The following JAKMIP1 variants were observed in gnomAD, a reference collection of about 807,000 sequenced individuals.
JAKMIP1 encodes janus kinase and microtubule-interacting protein 1.
Under a neutral mutation model 113.0 loss-of-function variants are expected in JAKMIP1, and 33 were observed. The observed-to-expected ratio is 0.29, with a 90% CI of 0.22 to 0.39. The LOEUF (loss-of-function observed/expected upper bound fraction) is 0.39, where lower values mean the gene tolerates loss of function less well. Among genes scored for constraint, JAKMIP1 ranks in the 10% least tolerant of loss-of-function variants. JAKMIP1 has a pLI of 1.00. For synonymous variants in JAKMIP1, 480 were observed against 459.9 expected (o/e 1.04, Z -0.56); for missense variants, 813 against 1,080.5 (o/e 0.75, Z 3.47).
intron 3 of JAKMIP1, among the ~76,000 whole-genome samples, chr4:6,104,207 A>G (rs780420904): frequency 2.6e-5 from 4 of 152,224 alleles, no homozygotes; most frequent in Non-Finnish European, 5.9e-5. Context: ...CTGTCAGGTA[A>G]GTTCACGTTG....
chr4:6,172,450 C>G (rs1443785581), intron 1 of JAKMIP1, among the ~76,000 whole-genome samples: 1 of 152,216 alleles, frequency 6.6e-6, no homozygotes, highest in African/African-American at 2.4e-5. Context: ...CCATGCTGCT[C>G]CAGCTCTGGC....
At position 6,181,759 on chromosome 4, in the gene JAKMIP1, T is replaced by C. The variant is rs1238890050; in HGVS notation, c.-148+18494A>G. On this transcript the variant is annotated intron_variant, in intron 1 of 20. Transcript: ENST00000409021. The surrounding 1 kb of genome is among the most constrained non-coding windows in gnomAD (Gnocchi z 5.4). ...CTAGTGCCTGTTCCATGCCAGACCC[T>C]GTGCTGAGCCTCAAACATGAATCTC... Among the ~76,000 whole-genome samples the C allele has an allele frequency of 1.3e-5, 2 of 152,196 alleles. No homozygotes were observed. Among genetic ancestry groups the C allele is most frequent in the African/African-American group, 4.8e-5 (2 of 41,450 alleles).
rs775616226 is a variant in JAKMIP1 at position 6,065,034 on chromosome 4, T to C, written c.1303-26A>G. On this transcript the variant is annotated intron_variant, in intron 8 of 20. Transcript: ENST00000409021. The surrounding 1 kb of genome is among the most constrained non-coding windows in gnomAD (Gnocchi z 5.1). ...CTGTAAAACGCAATTTGTATGATGT[T>C]AGCAACGACTGAGGATTGCCAGAGT... is the stretch of plus-strand genomic sequence containing the variant. 15 of 1,613,668 alleles carry C rather than the reference T, an allele frequency of 9.3e-6. No individual in the cohort carries two copies. In the South Asian group the frequency reaches 1.6e-4, roughly 18 times the overall value.
At position 6,112,928 on chromosome 4, in the gene JAKMIP1, A is replaced by G; in HGVS notation, c.-78T>C. ...ACGCCAGCCAGCAGGCGTGGCTACC[A>G]GCTCCACCGTGCTAACCAGTCGCGC... On this transcript the variant is annotated 5_prime_UTR_variant, in exon 2 of 21. Coordinates refer to ENST00000409021, the MANE Select transcript of JAKMIP1 (RefSeq NM_001099433.2). The G allele has an allele frequency of 6.4e-7, 1 of 1,560,458 alleles. No homozygotes were observed. The highest frequency in any genetic ancestry group is 1.2e-5 in the South Asian group (1 of 84,990).
At position 6,049,031 on chromosome 4, in the gene JAKMIP1, ATGTT is replaced by A. The variant is rs1715337449; in HGVS notation, c.1963-113_1963-110del. ...TTTCGTTGTTGTTGTTTGTTTTATT[ATGTT>A]TGTTTGTTTTGAGACGGAGTCTCTC... On this transcript the variant is annotated intron_variant, in intron 15 of 20. Transcript: ENST00000409021. This position sits in a 1 kb window ranked among gnomAD's most constrained non-coding sequence, Gnocchi z 7.0. 4.8e-6 allele frequency: 4 copies of A among 833,382 alleles called. No individual in the cohort carries two copies. In the South Asian group the frequency reaches 5.9e-5, roughly 12 times the overall value. The allele number at this position is 833,382 out of a possible 1,614,324, so 51.6% of individuals were successfully genotyped here.
Position 6,143,815 on chromosome 4 carries a change from A to G in JAKMIP1, c.-147-30818T>C, listed in dbSNP as rs963736933. 2.6e-5 allele frequency among the ~76,000 whole-genome samples: 4 copies of G among 152,230 alleles called. No homozygotes were observed. Among genetic ancestry groups the G allele is most frequent in the African/African-American group, 7.2e-5 (3 of 41,466 alleles). ...ATTTAAATAGAGAAGAAAAAAGAAC[A>G]ATTTCTGGTCATCAGGGAATAACAG... On this transcript the variant is annotated intron_variant, in intron 1 of 20. Transcript: ENST00000409021. The surrounding 1 kb of genome is among the most constrained non-coding windows in gnomAD (Gnocchi z 4.9).
In JAKMIP1 at chr4:6,153,556, T is replaced by G. The variant is rs115588612; in HGVS notation, c.-147-40559A>C. ...TCTTAAAATTAGCTTTCCGGAGGTG[T>G]AATTTGCGCTGTAAGAGGGTGCACC... On this transcript the variant is annotated intron_variant, in intron 1 of 20. Transcript: ENST00000409021. This position sits in a 1 kb window ranked among gnomAD's most constrained non-coding sequence, Gnocchi z 4.9. 0.026 allele frequency among the ~76,000 whole-genome samples: 3,983 copies of G among 152,326 alleles called. 195 individuals are homozygous for G. Among genetic ancestry groups the G allele is most frequent in the African/African-American group, 0.091 (3,775 of 41,554 alleles).
intron 1 of JAKMIP1, among the ~76,000 whole-genome samples, chr4:6,128,264 AG>A (rs1438797432): frequency 2.0e-5 from 3 of 152,202 alleles, no homozygotes; most frequent in African/African-American, 7.2e-5. Context: ...CTGTGAAAGG[AG>A]GATCTCTCAC....
chr4:6,047,632 T>C (rs1455498058), intron 16 of JAKMIP1, among the ~76,000 whole-genome samples: 1 of 152,230 alleles, frequency 6.6e-6, no homozygotes, highest in African/African-American at 2.4e-5. Flanking sequence ...CCATAAGTCT[T>C]GTTACCAACA....
At chr4:6,131,735 A>G (rs934603695) in intron 1 of JAKMIP1, among the ~76,000 whole-genome samples, 8 of 152,226 alleles carry the variant, frequency 5.3e-5, no homozygotes, top group African/African-American at 1.9e-4. Flanking sequence ...GTCTAAACCA[A>G]AAATTATTAA....
chr4:6,081,483 C>A lies in JAKMIP1; in HGVS notation c.1101+126G>T. ...GAGACATCTGTGACTGACACTGTGCCTGGTGCTTTGTGGGGAGGTGGGCAG... is the reference window on the plus strand; with the variant it reads ...GAGACATCTGTGACTGACACTGTGCATGGTGCTTTGTGGGGAGGTGGGCAG... On this transcript the variant is annotated intron_variant, in intron 6 of 20. Transcript: ENST00000409021. The surrounding 1 kb of genome is among the most constrained non-coding windows in gnomAD (Gnocchi z 4.6). 9.9e-7 allele frequency: 1 copy of A among 1,006,938 alleles called. No individual in the cohort carries two copies. The highest frequency in any genetic ancestry group is 2.4e-5 in the East Asian group (1 of 41,634). The allele number at this position is 1,006,938 out of a possible 1,614,324, so 62.4% of individuals were successfully genotyped here. A position where few individuals can be genotyped will look rare whatever the true frequency, so the allele number is the denominator to read the frequency against.
intron 3 of JAKMIP1, among the ~76,000 whole-genome samples, chr4:6,103,396 C>T (rs1360784853): frequency 6.6e-6 from 1 of 152,136 alleles, no homozygotes; most frequent in Non-Finnish European, 1.5e-5. Flanking sequence ...CTATGTATTG[C>T]TGGATTTGAT....
Position 6,193,267 on chromosome 4 carries a change from C to T in JAKMIP1, c.-148+6986G>A, listed in dbSNP as rs984416249. ...GAAGGCTGTGCTGTTGGATTCTGTA[C>T]TTTTGAGGTTTTGGGATTCAGACTG... is the stretch of plus-strand genomic sequence containing the variant. On this transcript the variant is annotated intron_variant, in intron 1 of 20. Coordinates refer to ENST00000409021, the MANE Select transcript of JAKMIP1 (RefSeq NM_001099433.2). This position sits in a 1 kb window ranked among gnomAD's most constrained non-coding sequence, Gnocchi z 6.4. 6.6e-6 allele frequency among the ~76,000 whole-genome samples: 1 copy of T among 152,166 alleles called. No homozygotes were observed. Among genetic ancestry groups the T allele is most frequent in the Non-Finnish European group, 1.5e-5 (1 of 68,036 alleles).
In JAKMIP1 at chr4:6,188,151, A is replaced by G. The variant is rs1470564726; in HGVS notation, c.-148+12102T>C. 3.9e-5 allele frequency among the ~76,000 whole-genome samples: 6 copies of G among 152,142 alleles called. No homozygotes were observed. Among genetic ancestry groups the G allele is most frequent in the Admixed American group, 2.0e-4 (3 of 15,268 alleles). On this transcript the variant is annotated intron_variant, in intron 1 of 20. Transcript: ENST00000409021. This position sits in a 1 kb window ranked among gnomAD's most constrained non-coding sequence, Gnocchi z 5.8. ...ATTTATCCAAGAGTCTCTGAACACC[A>G]TCTACAAAAATGTCCACTACCAGCT... is the stretch of plus-strand genomic sequence containing the variant.
chr4:6,190,914 T>G (rs1467630596), intron 1 of JAKMIP1, among the ~76,000 whole-genome samples: 2 of 151,954 alleles, frequency 1.3e-5, no homozygotes, highest in Non-Finnish European at 2.9e-5. Context: ...AGCAGAGAGG[T>G]TGCATCAAAC....
At chr4:6,071,447 C>T (rs972143320) in intron 8 of JAKMIP1, among the ~76,000 whole-genome samples, 3 of 152,202 alleles carry the variant, frequency 2.0e-5, no homozygotes, top group African/African-American at 4.8e-5. Context: ...GGCAGGAGGC[C>T]GGGCACCTAC....
chr4:6,028,424 A>G (rs1389271081), intron 20 of JAKMIP1, among the ~76,000 whole-genome samples: 1 of 152,164 alleles, frequency 6.6e-6, no homozygotes, highest in Non-Finnish European at 1.5e-5. Flanking sequence ...TCCAGCAGAG[A>G]TGGGAAGGTG....
At chr4:6,079,037 T>C in intron 7 of JAKMIP1, 39 bp from the exon 8 acceptor site, 1 of 1,610,644 alleles carries the variant, frequency 6.2e-7, no homozygotes, top group South Asian at 1.1e-5. Flanking sequence ...CCAGCCAGCC[T>C]CACATCTCAC....
Position 6,051,867 on chromosome 4 carries a change from T to C in JAKMIP1, c.1807-1188A>G, listed in dbSNP as rs547039640. Among the ~76,000 whole-genome samples the C allele has an allele frequency of 5.9e-5, 9 of 152,226 alleles. No homozygotes were observed. The highest frequency in any genetic ancestry group is 1.2e-4 in the Non-Finnish European group (8 of 68,040). ...ACTTTAGCGATGGACAGATTTGTCA[T>C]GGTGGGGCAGCAGAGAAGACCTTTT... On this transcript the variant is annotated intron_variant, in intron 13 of 20. Coordinates refer to ENST00000409021, the MANE Select transcript of JAKMIP1 (RefSeq NM_001099433.2). The surrounding 1 kb of genome is among the most constrained non-coding windows in gnomAD (Gnocchi z 5.0).
Sources: allele counts gnomAD v4.1 joint callset (sites outside exome capture counted in the v4.1 genomes callset), GRCh38; gene constraint gnomAD v4.1.1; non-coding constraint Gnocchi (gnomAD v3.1); transcripts MANE v1.5; gene names NCBI Gene and HGNC (gene_info 2026-07-23, HGNC 2026-07-21).